Variants in CASD1 observed in about 807,000 individuals in gnomAD.
CASD1 encodes the protein N-acetylneuraminate (7)9-O-acetyltransferase.
A neutral mutation model predicts 100.0 loss-of-function variants in CASD1; 41 were observed. The observed-to-expected ratio is 0.41, with a 90% CI of 0.32 to 0.53. CASD1 has a LOEUF of 0.53. Ranked by LOEUF, CASD1 falls within the 20% of genes least tolerant of loss-of-function variation. The probability of loss-of-function intolerance (pLI) is 0.25; values close to 1 mark genes in which losing one functional copy is unlikely to be tolerated. For missense variants in CASD1, 774 were observed against 948.7 expected, an observed-to-expected ratio of 0.82 and a Z score of 2.42; for synonymous variants, 321 against 315.6, an observed-to-expected ratio of 1.02 and a Z score of -0.18.
the CASD1 span, chr7:94,600,469 C>T: frequency 1.7e-6 from 1 of 585,100 alleles, no homozygotes; most frequent in Non-Finnish European, 3.0e-6. Flanking sequence ...ATTTGATTTA[C>T]TAGACTCAAA....
chr7:94,528,146 G>A lies in CASD1; in HGVS notation c.397-42G>A, dbSNP rs374684899. 1.0e-5 allele frequency: 14 copies of A among 1,348,126 alleles called. No individual in the cohort carries two copies. The African/African-American group carries it at 1.5e-4, about 14-fold the overall frequency. 83.5% of individuals were successfully genotyped at this position (1,348,126 alleles called of 1,614,324 possible). A position where few individuals can be genotyped will look rare whatever the true frequency, so the allele number is the denominator to read the frequency against. ...TTTATTTTGAATGGTGGAATTAAGA[G>A]TTTCTTCAACTTTTTCTTTACTTCT... On this transcript the variant is annotated intron_variant, in intron 4 of 17. Coordinates refer to ENST00000297273, the MANE Select transcript of CASD1 (RefSeq NM_022900.5).
chr7:94,599,850 A>T, the CASD1 span: 1 of 742,310 alleles, frequency 1.3e-6, no homozygotes, highest in Non-Finnish European at 2.4e-6. Context: ...GCAACCAGGC[A>T]GCATTTGCCA....
chr7:94,605,335 TAAAG>T, the CASD1 span, among the ~76,000 whole-genome samples: 1 of 150,422 alleles, frequency 6.6e-6, no homozygotes, highest in South Asian at 2.1e-4. Context: ...CAGATCTACA[TAAAG>T]AAAAGTAGAG....
At chr7:94,603,451 C>T in the CASD1 span, 11 of 1,612,638 alleles carry the variant, frequency 6.8e-6, no homozygotes, top group South Asian at 1.1e-5. Flanking sequence ...ATGACATAAA[C>T]GCTGTAAAAA....
chr7:94,542,156 T>A (rs1295302757), intron 10 of CASD1, among the ~76,000 whole-genome samples: 7 of 152,140 alleles, frequency 4.6e-5, no homozygotes, highest in African/African-American at 1.7e-4. Flanking sequence ...TGAAAGCATG[T>A]TTTATGGAGA....
intron 12 of CASD1, 144 bp from the exon 13 acceptor site, chr7:94,546,952 A>G (rs1795709914): frequency 2.0e-6 from 1 of 490,416 alleles, no homozygotes; most frequent in African/African-American, 2.0e-5. Context: ...ATTTATACTA[A>G]CTGGATATAT....
At chr7:94,590,150 T>C in the CASD1 span, 4 of 152,204 alleles carry the variant, frequency 2.6e-5, no homozygotes, top group African/African-American at 9.7e-5. Context: ...CCATGTCCTG[T>C]ACACAATCAG....
At chr7:94,592,635 G>A in the CASD1 span, among the ~76,000 whole-genome samples, 3 of 152,126 alleles carry the variant, frequency 2.0e-5, no homozygotes, top group Non-Finnish European at 4.4e-5. Flanking sequence ...AAGAATGCAA[G>A]AGTAATAACT....
At chr7:94,552,931 G>A (rs573146263) in intron 16 of CASD1, among the ~76,000 whole-genome samples, 15 of 152,170 alleles carry the variant, frequency 9.9e-5, no homozygotes, top group African/African-American at 3.1e-4. Flanking sequence ...GCAAGACTCC[G>A]TCTCAAACAA....
chr7:94,629,509 A>T, the CASD1 span: 1 of 483,740 alleles, frequency 2.1e-6, no homozygotes, highest in South Asian at 2.2e-5. Context: ...AGAATCCAGA[A>T]ATATGCTTTC....
chr7:94,600,410 A>G, the CASD1 span: 18 of 470,002 alleles, frequency 3.8e-5, no homozygotes, highest in Non-Finnish European at 5.7e-5. Context: ...GCCAGTGTGA[A>G]TTTACATCTA....
At chr7:94,580,276 GT>G in the CASD1 span, among the ~76,000 whole-genome samples, 1 of 152,012 alleles carries the variant, frequency 6.6e-6, no homozygotes, top group African/African-American at 2.4e-5. Context: ...TTCATGCATG[GT>G]TTTGGCCTAC....
At chr7:94,597,136 C>T in the CASD1 span, 1 of 152,040 alleles carries the variant, frequency 6.6e-6, no homozygotes, top group Middle Eastern at 3.2e-3. Context: ...GCATTCAGTA[C>T]AACTAAATTT....
chr7:94,526,388 G>C (rs1023439381), intron 3 of CASD1, among the ~76,000 whole-genome samples: 1 of 152,194 alleles, frequency 6.6e-6, no homozygotes, highest in East Asian at 1.9e-4. Flanking sequence ...TGGAAGTGGC[G>C]TATGTCACAT....
the CASD1 span, among the ~76,000 whole-genome samples, chr7:94,572,916 A>C: frequency 6.6e-6 from 1 of 152,300 alleles, no homozygotes; most frequent in Non-Finnish European, 1.5e-5. Context: ...ATATGGTGTA[A>C]GGAAGGAGAC....
intron 3 of CASD1, among the ~76,000 whole-genome samples, chr7:94,521,508 G>GT (rs1315993053): frequency 6.6e-6 from 1 of 151,996 alleles, no homozygotes; most frequent in Non-Finnish European, 1.5e-5. Context: ...AAAATATTGT[G>GT]TTTTTTTAAA....
chr7:94,587,489 C>T, the CASD1 span: 24 of 1,282,694 alleles, frequency 1.9e-5, no homozygotes, highest in Non-Finnish European at 2.1e-5. Context: ...TCATTTCTAT[C>T]GTAGAAGTAT....
At chr7:94,623,218 A>T in the CASD1 span, 26 of 650,288 alleles carry the variant, frequency 4.0e-5, no homozygotes. Context: ...CATCAGTTAT[A>T]TTAGGTATGT....
At chr7:94,516,468 T>C (rs890647291) in intron 1 of CASD1, among the ~76,000 whole-genome samples, 1 of 152,200 alleles carries the variant, frequency 6.6e-6, no homozygotes, top group South Asian at 2.1e-4. Context: ...CAATATCCTT[T>C]TTGTTCTGCA....
Sources: allele counts gnomAD v4.1 joint callset (sites outside exome capture counted in the v4.1 genomes callset), GRCh38; gene constraint gnomAD v4.1.1; transcripts MANE v1.5; gene names NCBI Gene and HGNC (gene_info 2026-07-23, HGNC 2026-07-21).